TTC29: variants seen among roughly 807,000 people sequenced by gnomAD.
TTC29 encodes tetratricopeptide repeat protein 29.
Under a neutral mutation model 58.1 loss-of-function variants are expected in TTC29, and 49 were observed. The observed-to-expected ratio is 0.84, with a 90% CI of 0.67 to 1.07. The LOEUF (loss-of-function observed/expected upper bound fraction) is 1.07. Among genes scored for constraint, TTC29 ranks in the 50% least tolerant of loss-of-function variants. The probability of loss-of-function intolerance (pLI) is 0.00; values close to 1 mark genes in which losing one functional copy is unlikely to be tolerated. For missense variants in TTC29, 582 were observed against 555.6 expected, an observed-to-expected ratio of 1.05 and a Z score of -0.48; for synonymous variants, 209 against 196.8, an observed-to-expected ratio of 1.06 and a Z score of -0.52.
At chr4:146,845,697 C>A (rs1404813651) in intron 8 of TTC29, among the ~76,000 whole-genome samples, 1 of 152,132 alleles carries the variant, frequency 6.6e-6, no homozygotes, top group Non-Finnish European at 1.5e-5. Context: ...GCCGTACAGA[C>A]CTTTCACTAA....
chr4:146,803,528 T>C lies in TTC29; in HGVS notation c.1259A>G (p.Asp420Gly), dbSNP rs1056617204. 1.2e-6 allele frequency: 2 copies of C among 1,601,782 alleles called. No homozygotes were observed. Among genetic ancestry groups the C allele is most frequent in the African/African-American group, 2.7e-5 (2 of 74,864 alleles). The change falls in exon 11 of 13, where the codon GAT becomes GGT. Residue 420 changes from aspartate to glycine, a missense_variant. Asp to Gly is a moderately conservative substitution (Grantham distance 94). Transcript: ENST00000325106. ...LTVNNYIESA[D>G]LTSLNYLLSW... is the part of the protein sequence containing the mutation. ...CAGCAGGTAGTTGAGGCTGGTGAGA[T>C]CTGCAGACTCTATATAGTTGTTCAC...
intron 11 of TTC29, among the ~76,000 whole-genome samples, chr4:146,778,858 T>G: frequency 6.6e-6 from 1 of 150,700 alleles, no homozygotes; most frequent in East Asian, 2.0e-4. Flanking sequence ...GGTTGAAAAA[T>G]TACCTATTGG....
chr4:146,829,927 A>C (rs1307086847), intron 9 of TTC29, among the ~76,000 whole-genome samples: 1 of 152,136 alleles, frequency 6.6e-6, no homozygotes, highest in African/African-American at 2.4e-5. Flanking sequence ...CATTTCTGTA[A>C]ATGAACTACA....
At chr4:146,853,603 A>C (rs1729647940) in intron 8 of TTC29, among the ~76,000 whole-genome samples, 1 of 152,116 alleles carries the variant, frequency 6.6e-6, no homozygotes, top group African/African-American at 2.4e-5. Flanking sequence ...GTATATATTA[A>C]TGATTTTATG....
intron 6 of TTC29, among the ~76,000 whole-genome samples, chr4:146,880,966 GA>G (rs1355980838): frequency 2.0e-5 from 3 of 151,886 alleles, no homozygotes; most frequent in African/African-American, 7.3e-5. Context: ...GAAAAAAAAG[GA>G]AAAAAAGAAG....
At position 146,858,887 on chromosome 4, in the gene TTC29, ATGT is replaced by A. The variant is rs1259355836; in HGVS notation, c.885+8608_885+8610del. Among the ~76,000 whole-genome samples the A allele has an allele frequency of 3.3e-5, 5 of 152,308 alleles. No individual in the cohort carries two copies. The East Asian group carries it at 5.8e-4, about 18-fold the overall frequency. ...TGATTTTAGAGCCCATCAATTAATG[ATGT>A]TGTTGTCCTCTCACTCCAAAGAGTT... is the stretch of plus-strand genomic sequence containing the variant. On this transcript the variant is annotated intron_variant, in intron 8 of 12. Transcript: ENST00000325106.
At chr4:146,901,062 T>C (rs757614407) in intron 6 of TTC29, among the ~76,000 whole-genome samples, 4 of 152,166 alleles carry the variant, frequency 2.6e-5, no homozygotes, top group Non-Finnish European at 2.9e-5. Context: ...TAACTGACAG[T>C]TCCATTTGAC....
At chr4:146,805,716 T>C (rs1750558574) in intron 10 of TTC29, among the ~76,000 whole-genome samples, 1 of 151,980 alleles carries the variant, frequency 6.6e-6, no homozygotes, top group South Asian at 2.1e-4. Context: ...AAATAAAGCC[T>C]CCAAGAAATA....
At chr4:146,793,957 T>A (rs1324387171) in intron 11 of TTC29, among the ~76,000 whole-genome samples, 1 of 152,168 alleles carries the variant, frequency 6.6e-6, no homozygotes, top group Admixed American at 6.5e-5. Flanking sequence ...CAGGGCATGG[T>A]CATCTATTTA....
At chr4:146,913,487 G>A (rs1011843960) in intron 4 of TTC29, among the ~76,000 whole-genome samples, 14 of 151,790 alleles carry the variant, frequency 9.2e-5, no homozygotes, top group African/African-American at 3.4e-4. Context: ...TGTAGTCTTG[G>A]TGGCATGGAA....
At chr4:146,845,598 A>G (rs1337871923) in intron 8 of TTC29, among the ~76,000 whole-genome samples, 2 of 152,204 alleles carry the variant, frequency 1.3e-5, no homozygotes, top group African/African-American at 4.8e-5. Context: ...ATTTGACCAA[A>G]CAGGTATTGT....
intron 11 of TTC29, among the ~76,000 whole-genome samples, chr4:146,721,707 G>A (rs886854732): frequency 6.6e-6 from 1 of 152,072 alleles, no homozygotes; most frequent in Non-Finnish European, 1.5e-5. Context: ...TAAAGACAAA[G>A]CTGTGGGTTT....
At chr4:146,748,049 A>G (rs957252983) in intron 11 of TTC29, among the ~76,000 whole-genome samples, 2 of 152,162 alleles carry the variant, frequency 1.3e-5, no homozygotes, top group African/African-American at 4.8e-5. Context: ...GGCTACTGCC[A>G]CGTCCCACCA....
intron 4 of TTC29, among the ~76,000 whole-genome samples, chr4:146,916,188 C>T (rs1734210421): frequency 6.6e-6 from 1 of 151,478 alleles, no homozygotes; most frequent in Non-Finnish European, 1.5e-5. Flanking sequence ...ATATCGTAAT[C>T]AGAATTTAAA....
chr4:146,794,027 A>T (rs1261354347), intron 11 of TTC29, among the ~76,000 whole-genome samples: 1 of 152,174 alleles, frequency 6.6e-6, no homozygotes, highest in Non-Finnish European at 1.5e-5. Flanking sequence ...AACTTAGTAG[A>T]TTCATGTAAG....
intron 8 of TTC29, among the ~76,000 whole-genome samples, chr4:146,845,065 C>T (rs1729081575): frequency 6.6e-6 from 1 of 152,120 alleles, no homozygotes; most frequent in Admixed American, 6.6e-5. Context: ...CTGTGTGTGG[C>T]CCAACTGTTT....
chr4:146,877,859 A>G (rs1731374897), intron 6 of TTC29, among the ~76,000 whole-genome samples: 1 of 152,210 alleles, frequency 6.6e-6, no homozygotes, highest in South Asian at 2.1e-4. Flanking sequence ...CAAATGAGGT[A>G]TAATGATGTA....
In TTC29 at chr4:146,778,976, C is replaced by CAAA. The variant is rs369374851; in HGVS notation, c.1330+24478_1330+24480dup. ...AACTGCACTTGTACTCCTAAATAAG[C>CAAA]AAAAAAAAAAAAAAAAAAAAAAAAA... is the stretch of plus-strand genomic sequence containing the variant. On this transcript the variant is annotated intron_variant, in intron 11 of 12. Coordinates refer to ENST00000325106, the MANE Select transcript of TTC29 (RefSeq NM_031956.4). Among the ~76,000 whole-genome samples, 59 of 28,536 alleles carry CAAA rather than the reference C, an allele frequency of 2.1e-3. 1 individual carries two copies. The highest frequency in any genetic ancestry group is 7.0e-3 in the Admixed American group (11 of 1,578). 18.7% of individuals were successfully genotyped at this position (28,536 alleles called of 152,430 possible). A position where few individuals can be genotyped will look rare whatever the true frequency, so the allele number is the denominator to read the frequency against.
intron 2 of TTC29, chr4:146,942,925 C>G (rs1736546250): frequency 3.7e-6 from 1 of 268,686 alleles, no homozygotes; most frequent in African/African-American, 2.2e-5. Flanking sequence ...GAACATCCAG[C>G]TATTTGTAGA....
Sources: allele counts gnomAD v4.1 joint callset (sites outside exome capture counted in the v4.1 genomes callset), GRCh38; gene constraint gnomAD v4.1.1; transcripts MANE v1.5; gene names NCBI Gene and HGNC (gene_info 2026-07-23, HGNC 2026-07-21).